The following SEMA6D variants were observed in gnomAD, a reference collection of about 807,000 sequenced individuals.
The protein encoded by SEMA6D is semaphorin-6D.
In SEMA6D, 35 loss-of-function variants were observed where a neutral mutation model predicts 106.6. That is an observed-to-expected ratio of 0.33 (90% confidence interval 0.25 to 0.44). The LOEUF (loss-of-function observed/expected upper bound fraction) is 0.44. Ranked by LOEUF, SEMA6D falls within the 20% of genes least tolerant of loss-of-function variation. The probability of loss-of-function intolerance (pLI) is 1.00; values close to 1 mark genes in which losing one functional copy is unlikely to be tolerated. For missense variants in SEMA6D, 1,185 were observed against 1,345.9 expected (o/e 0.88, Z 1.87); for synonymous variants, 499 against 487.7 (o/e 1.02, Z -0.31).
chr15:47,720,623 C>T (rs1247243895), intron 1 of SEMA6D, among the ~76,000 whole-genome samples: 1 of 152,104 alleles, frequency 6.6e-6, no homozygotes, highest in Non-Finnish European at 1.5e-5. Context: ...ACATCAATGT[C>T]GTGGTTTCTG....
intron 1 of SEMA6D, among the ~76,000 whole-genome samples, chr15:47,407,406 C>CAAAAAAAAAAAA (rs1231097214): frequency 4.7e-5 from 5 of 105,798 alleles, no homozygotes; most frequent in Non-Finnish European, 7.8e-5. Context: ...ACAACAACAA[C>CAAAAAAAAAAAA]AACAAAAAAA....
chr15:47,673,578 C>T (rs751613649), intron 4 of SEMA6D, among the ~76,000 whole-genome samples: 9 of 152,152 alleles, frequency 5.9e-5, no homozygotes, highest in Non-Finnish European at 8.8e-5. Context: ...TGCAGGGGAA[C>T]CTCGTTTTGA....
chr15:47,373,828 C>A (rs2145458811), intron 1 of SEMA6D, among the ~76,000 whole-genome samples: 1 of 152,236 alleles, frequency 6.6e-6, no homozygotes, highest in East Asian at 1.9e-4. Flanking sequence ...ATAAAAGTTT[C>A]CCTAGCTTTT....
At chr15:47,353,617 T>C (rs1187314316) in intron 1 of SEMA6D, among the ~76,000 whole-genome samples, 1 of 152,138 alleles carries the variant, frequency 6.6e-6, no homozygotes, top group East Asian at 1.9e-4. Context: ...GTAACCCTTA[T>C]CATAATATTT....
intron 1 of SEMA6D, among the ~76,000 whole-genome samples, chr15:47,196,738 A>G (rs965365490): frequency 2.6e-5 from 4 of 152,214 alleles, no homozygotes; most frequent in African/African-American, 9.6e-5. Flanking sequence ...TAAAAGTAAG[A>G]TGATTGGAAA....
chr15:47,316,024 T>C (rs1229707437), intron 1 of SEMA6D, among the ~76,000 whole-genome samples: 1 of 151,846 alleles, frequency 6.6e-6, no homozygotes, highest in East Asian at 1.9e-4. Context: ...CTTTTGGATT[T>C]TCTACATATA....
chr15:47,578,576 G>T (rs12899823), intron 3 of SEMA6D, among the ~76,000 whole-genome samples: 30 of 152,000 alleles, frequency 2.0e-4, no homozygotes, highest in Non-Finnish European at 5.9e-5. Context: ...AAAAGTTGGG[G>T]TTAAGGATGC....
chr15:47,509,509 T>C (rs2044154746), intron 3 of SEMA6D, among the ~76,000 whole-genome samples: 1 of 152,138 alleles, frequency 6.6e-6, no homozygotes, highest in Non-Finnish European at 1.5e-5. Flanking sequence ...ACCTAATAAA[T>C]AATCCAGGCT....
intron 1 of SEMA6D, among the ~76,000 whole-genome samples, chr15:47,384,828 T>TTTTTTG (rs1567042665): frequency 6.9e-6 from 1 of 144,360 alleles, no homozygotes; most frequent in African/African-American, 2.6e-5. Flanking sequence ...TTTTTTTTTT[T>TTTTTTG]TTTTTTTTTT....
chr15:47,473,185 T>A (rs1283112158), intron 3 of SEMA6D, among the ~76,000 whole-genome samples: 1 of 151,946 alleles, frequency 6.6e-6, no homozygotes, highest in East Asian at 1.9e-4. Context: ...TGGAAAGGAG[T>A]GGCAGCCTCA....
intron 4 of SEMA6D, among the ~76,000 whole-genome samples, chr15:47,645,099 G>A (rs1006780087): frequency 3.3e-5 from 5 of 152,130 alleles, no homozygotes; most frequent in African/African-American, 7.2e-5. Context: ...TGTGGGTGCC[G>A]GGGCGTCATC....
chr15:47,628,913 C>G (rs1420421715), intron 4 of SEMA6D, among the ~76,000 whole-genome samples: 4 of 152,000 alleles, frequency 2.6e-5, no homozygotes, highest in Admixed American at 6.6e-5. Context: ...TTTATAGAAG[C>G]CGTGAGTTTT....
chr15:47,447,920 A>G (rs2042074939), intron 2 of SEMA6D, among the ~76,000 whole-genome samples: 1 of 152,124 alleles, frequency 6.6e-6, no homozygotes, highest in South Asian at 2.1e-4. Flanking sequence ...TAAAGAAATG[A>G]TTGCTCACTT....
chr15:47,764,772 G>C lies in SEMA6D; in HGVS notation c.1232G>C (p.Trp411Ser). Reference protein sequence around the residue: ...SAVPPIADEPWFTKTRVRYRL... With the variant: ...SAVPPIADEPSFTKTRVRYRL... The stretch of plus-strand genomic sequence containing the variant: ...GTTCCACCCATTGCCGATGAGCCCT[G>C]GTTCACAAAGACTCGGGTCAGGTGA... The change falls in exon 12 of 19, where the codon TGG becomes TCG. Residue 411 changes from tryptophan to serine, a missense_variant. Trp to Ser is a radical substitution (Grantham distance 177). Coordinates refer to ENST00000536845, the MANE Select transcript of SEMA6D (RefSeq NM_001358351.3). 6.2e-7 allele frequency: 1 copy of C among 1,613,936 alleles called. No homozygotes were observed. Among genetic ancestry groups the C allele is most frequent in the Non-Finnish European group, 8.5e-7 (1 of 1,179,880 alleles).
chr15:47,598,884 ATATT>A (rs2143304187), intron 3 of SEMA6D, among the ~76,000 whole-genome samples: 1 of 151,790 alleles, frequency 6.6e-6, no homozygotes, highest in African/African-American at 2.4e-5. Flanking sequence ...TCAAATTTAA[ATATT>A]TATTATGTAC....
At chr15:47,460,349 A>G (rs777188374) in intron 2 of SEMA6D, among the ~76,000 whole-genome samples, 3 of 152,090 alleles carry the variant, frequency 2.0e-5, no homozygotes, top group Non-Finnish European at 4.4e-5. Context: ...AGCCAACAAG[A>G]AGGGGCAAAT....
intron 2 of SEMA6D, among the ~76,000 whole-genome samples, chr15:47,466,226 T>C (rs1450179044): frequency 6.6e-6 from 1 of 152,182 alleles, no homozygotes; most frequent in African/African-American, 2.4e-5. Flanking sequence ...TATTATTAAC[T>C]GTAGTTTCCA....
In SEMA6D at chr15:47,770,627, C is replaced by T. The variant is rs752612720; in HGVS notation, c.2064C>T (p.Asp688=). The part of the protein sequence containing the change: ...IAGVAVYCYR[D]MFVRKNRKIH... The stretch of plus-strand genomic sequence containing the variant: ...GTGTGGCAGTATACTGCTATCGAGA[C>T]ATGTTTGTTCGGAAAAACAGAAAGA... The change falls in exon 19 of 19, where the codon GAC becomes GAT. Residue 688 remains aspartate, a synonymous_variant. Coordinates refer to ENST00000536845, the MANE Select transcript of SEMA6D (RefSeq NM_001358351.3). The T allele has an allele frequency of 1.2e-6, 2 of 1,614,018 alleles. No individual in the cohort carries two copies. The highest frequency in any genetic ancestry group is 2.2e-5 in the South Asian group (2 of 91,072).
At chr15:47,733,384 G>T (rs1339835921) in intron 1 of SEMA6D, among the ~76,000 whole-genome samples, 1 of 152,072 alleles carries the variant, frequency 6.6e-6, no homozygotes, top group Non-Finnish European at 1.5e-5. Flanking sequence ...TACAGCTGAT[G>T]TTTCTTTGCA....
Sources: gnomAD v4.1 joint callset for allele counts (sites outside exome capture counted in the v4.1 genomes callset) on GRCh38, gnomAD v4.1.1 for gene constraint, MANE v1.5 for transcripts, NCBI Gene and HGNC (gene_info 2026-07-23, HGNC 2026-07-21) for gene names.